Variants in FNIP2 observed in about 807,000 individuals in gnomAD.
FNIP2 encodes folliculin interacting protein 2.
Under a neutral mutation model 108.7 loss-of-function variants are expected in FNIP2, and 32 were observed. That is an observed-to-expected ratio of 0.29 (90% CI 0.22 to 0.40). The LOEUF is 0.40. FNIP2 is among the 10% of genes least tolerant of loss of function. FNIP2 has a pLI of 1.00. For synonymous variants in FNIP2, 480 were observed against 496.7 expected (o/e 0.97, Z 0.45); for missense variants, 1,202 against 1,381.6 (o/e 0.87, Z 2.06).
intron 3 of FNIP2, 42 bp downstream of exon 3, chr4:158,829,267 G>A (rs1295968619): frequency 1.3e-6 from 2 of 1,497,064 alleles, no homozygotes; most frequent in East Asian, 2.4e-5. Flanking sequence ...TGAGGTTAAA[G>A]TTATTTACTG....
chr4:158,831,813 C>A, intron 3 of FNIP2, 48 bp from the exon 4 acceptor site: 1 of 1,176,062 alleles, frequency 8.5e-7, no homozygotes, highest in Non-Finnish European at 1.3e-6. Context: ...TGTTGCATTG[C>A]ATGTCATGTT....
intron 1 of FNIP2, among the ~76,000 whole-genome samples, chr4:158,775,676 T>G (rs1775838030): frequency 6.6e-6 from 1 of 152,234 alleles, no homozygotes; most frequent in Admixed American, 6.5e-5. Context: ...ATGTGCCTTC[T>G]CATGCATCAT....
chr4:158,861,204 A>C, intron 10 of FNIP2, 138 bp from the exon 11 acceptor site: 1 of 1,048,146 alleles, frequency 9.5e-7, no homozygotes, highest in Non-Finnish European at 1.3e-6. Flanking sequence ...ATAGTGTGCA[A>C]CCCCTGTTAT....
At position 158,831,991 on chromosome 4, in the gene FNIP2, T is replaced by G. The variant is rs759138475; in HGVS notation, c.482+30T>G. 4.1e-5 allele frequency: 65 copies of G among 1,602,086 alleles called. No individual in the cohort carries two copies. The Admixed American group carries it at 1.1e-3, about 26-fold the overall frequency. On this transcript the variant is annotated intron_variant, in intron 4 of 16. Transcript: ENST00000264433. ...GTCTGGGCTTCCTTTTCTACTAGTT[T>G]TGAGAAGTGGAACGGTGGTATTGAC...
rs1010949963 is a variant in FNIP2, at chr4:158,833,731, T to C, written c.655+103T>C. ...GTCGTGGGTTTTTTTTTTTGCGTTATCTTTAATCTGTGTTTATTTTTTTTG... is the reference window on the plus strand; with the variant it reads ...GTCGTGGGTTTTTTTTTTTGCGTTACCTTTAATCTGTGTTTATTTTTTTTG... On this transcript the variant is annotated intron_variant, in intron 6 of 16. Transcript: ENST00000264433. 18 of 1,438,088 alleles carry C rather than the reference T, an allele frequency of 1.3e-5. No homozygotes were observed. The African/African-American group carries it at 2.4e-4, about 19-fold the overall frequency. 89.1% of individuals were successfully genotyped at this position (1,438,088 alleles called of 1,614,324 possible). A position where few individuals can be genotyped will look rare whatever the true frequency, so the allele number is the denominator to read the frequency against.
rs1781072562 is a variant in FNIP2 at position 158,873,374 on chromosome 4, TTTTG to T, written c.2949+2909_2949+2912del. Among the ~76,000 whole-genome samples, 4 of 152,014 alleles carry T rather than the reference TTTTG, an allele frequency of 2.6e-5. No individual in the cohort carries two copies. The South Asian group carries it at 8.3e-4, about 32-fold the overall frequency. On this transcript the variant is annotated intron_variant, in intron 14 of 16. Transcript: ENST00000264433. ...GGTGGTTTTTTTTGTTTTGTTTTGT[TTTTG>T]TTTTTGTTTTTGTTTTTTTTGAGGT...
At chr4:158,772,653 C>T (rs2126397948) in intron 1 of FNIP2, among the ~76,000 whole-genome samples, 1 of 152,240 alleles carries the variant, frequency 6.6e-6, no homozygotes, top group East Asian at 1.9e-4. Context: ...AGTGCTGATC[C>T]CCACTGTTTT....
Position 158,861,352 on chromosome 4 carries a change from T to C in FNIP2, c.1159T>C (p.Trp387Arg). ...CTTTCTGTTCTATAGAGGAACTATC[T>C]GGAACTTATATTCTGTTCCAAGGAT... ...EALGEFRGTI[W>R]NLYSVPRIAE... Residue 387 changes from tryptophan (W) to arginine (R), a missense_variant, in exon 11 of 17, where the codon TGG (tryptophan) becomes CGG (arginine). Transcript: ENST00000264433. The C allele has an allele frequency of 1.2e-6, 2 of 1,613,590 alleles. No individual in the cohort carries two copies. The highest frequency in any genetic ancestry group is 8.5e-7 in the Non-Finnish European group (1 of 1,179,764).
intron 5 of FNIP2, among the ~76,000 whole-genome samples, chr4:158,832,509 A>G (rs1001186089): frequency 2.6e-5 from 4 of 152,384 alleles, no homozygotes; most frequent in South Asian, 2.1e-4. Flanking sequence ...TGAACTTTCA[A>G]GCAGAAATAT....
chr4:158,859,581 A>G lies in FNIP2; in HGVS notation c.1063A>G (p.Met355Val), dbSNP rs538928342. The G allele has an allele frequency of 6.2e-7, 1 of 1,612,426 alleles. No homozygotes were observed. The highest frequency in any genetic ancestry group is 1.1e-5 in the South Asian group (1 of 90,684). Reference protein sequence around the residue: ...NRLKSAIEKAMISCRKIAESS... With the variant: ...NRLKSAIEKAVISCRKIAESS... ...ACTTGCTTTCTCTTCAATAAAGGCT[A>G]TGATCTCCTGTAGGAAAATAGCAGA... Residue 355 changes from methionine (M) to valine (V), a missense_variant, in exon 10 of 17, where the codon ATG becomes GTG. Physicochemically the swap from Met to Val is conservative, Grantham distance 21. Coordinates refer to ENST00000264433, the MANE Select transcript of FNIP2 (RefSeq NM_020840.3).
intron 1 of FNIP2, among the ~76,000 whole-genome samples, chr4:158,799,512 G>A (rs1477625680): frequency 6.6e-6 from 1 of 152,168 alleles, no homozygotes; most frequent in East Asian, 1.9e-4. Flanking sequence ...TACCTTACTT[G>A]ATAACAGAGT....
intron 14 of FNIP2, among the ~76,000 whole-genome samples, chr4:158,886,731 T>C (rs1160555148): frequency 6.6e-6 from 1 of 152,244 alleles, no homozygotes; most frequent in East Asian, 1.9e-4. Flanking sequence ...GTAAAGTTTC[T>C]CAAACAGGCA....
intron 1 of FNIP2, among the ~76,000 whole-genome samples, chr4:158,802,460 A>G (rs1224735740): frequency 6.6e-6 from 1 of 152,180 alleles, no homozygotes; most frequent in African/African-American, 2.4e-5. Context: ...GAGAATAATC[A>G]GAATGGACTT....
chr4:158,851,045 T>A (rs1165726078), intron 7 of FNIP2, among the ~76,000 whole-genome samples: 1 of 152,182 alleles, frequency 6.6e-6, no homozygotes, highest in East Asian at 1.9e-4. Context: ...ACCTGAAATT[T>A]TAGATTACTT....
chr4:158,881,840 G>A (rs1251370186), intron 14 of FNIP2, among the ~76,000 whole-genome samples: 7 of 152,242 alleles, frequency 4.6e-5, no homozygotes, highest in African/African-American at 1.7e-4. Context: ...GCCTCCCAAA[G>A]TGCCGAGATT....
At chr4:158,889,784 T>A in intron 14 of FNIP2, 1 of 974,408 alleles carries the variant, frequency 1.0e-6, no homozygotes, top group Non-Finnish European at 1.2e-6. Flanking sequence ...AAAATACAAA[T>A]ATTTGAAGTG....
At chr4:158,776,625 A>G (rs1220712094) in intron 1 of FNIP2, among the ~76,000 whole-genome samples, 1 of 152,226 alleles carries the variant, frequency 6.6e-6, no homozygotes, top group Non-Finnish European at 1.5e-5. Context: ...CAATGCCACA[A>G]AGTCTTTTAA....
intron 7 of FNIP2, among the ~76,000 whole-genome samples, chr4:158,836,975 T>A (rs1039854456): frequency 3.9e-5 from 6 of 152,156 alleles, no homozygotes; most frequent in African/African-American, 9.7e-5. Context: ...AGATAACTCC[T>A]CCAGTCTTTG....
chr4:158,779,728 C>CGT (rs1775975956), intron 1 of FNIP2, among the ~76,000 whole-genome samples: 1 of 147,500 alleles, frequency 6.8e-6, no homozygotes, highest in South Asian at 2.1e-4. Flanking sequence ...CATGCACCAC[C>CGT]ATACCCACCT....
Sources: allele counts gnomAD v4.1 joint callset (sites outside exome capture counted in the v4.1 genomes callset), GRCh38; gene constraint gnomAD v4.1.1; transcripts MANE v1.5; gene names NCBI Gene and HGNC (gene_info 2026-07-23, HGNC 2026-07-21).